Variants in CDH12 observed in about 807,000 individuals in gnomAD.
CDH12 encodes the protein cadherin 12.
A neutral mutation model predicts 74.1 loss-of-function variants in CDH12; 41 were observed. The ratio of observed to expected loss-of-function variants is 0.55; its 90% CI spans 0.43 to 0.72. The LOEUF (loss-of-function observed/expected upper bound fraction) is 0.72, where lower values mean the gene tolerates loss of function less well. Ranked by LOEUF, CDH12 falls within the 30% of genes least tolerant of loss-of-function variation. CDH12 has a pLI of 0.00. For missense variants in CDH12, 945 were observed against 977.2 expected (o/e 0.97, Z 0.44); for synonymous variants, 399 against 355.0 (o/e 1.12, Z -1.39).
chr5:22,845,941 C>G (rs1737281093), intron 1 of CDH12, among the ~76,000 whole-genome samples: 2 of 152,010 alleles, frequency 1.3e-5, no homozygotes, highest in African/African-American at 4.8e-5. Context: ...AGATGTGAGA[C>G]AATAGTGTCT....
At chr5:22,334,508 T>C (rs920697058) in intron 3 of CDH12, among the ~76,000 whole-genome samples, 7 of 152,058 alleles carry the variant, frequency 4.6e-5, no homozygotes, top group African/African-American at 1.4e-4. Flanking sequence ...AAAACAATCC[T>C]AAAACTTATA....
intron 6 of CDH12, among the ~76,000 whole-genome samples, chr5:21,906,472 C>T (rs547598641): frequency 4.6e-5 from 7 of 152,170 alleles, no homozygotes; most frequent in Non-Finnish European, 1.0e-4. Flanking sequence ...CCACATTACT[C>T]TTAAGGGAAG....
intron 1 of CDH12, among the ~76,000 whole-genome samples, chr5:22,657,817 G>T (rs10053320): frequency 0.14 from 21,954 of 152,112 alleles, 1,738 homozygotes; most frequent in Admixed American, 0.25. Flanking sequence ...GTAAAAGAAA[G>T]TAAGAAGCTT....
chr5:22,360,483 C>A (rs545233994), intron 3 of CDH12, among the ~76,000 whole-genome samples: 1 of 152,242 alleles, frequency 6.6e-6, no homozygotes, highest in East Asian at 1.9e-4. Context: ...GATTCACAGC[C>A]AAATTCTACC....
At chr5:22,365,227 G>T (rs1740978884) in intron 3 of CDH12, among the ~76,000 whole-genome samples, 1 of 151,992 alleles carries the variant, frequency 6.6e-6, no homozygotes, top group South Asian at 2.1e-4. Flanking sequence ...GCTTATTAAT[G>T]GCTGATAACT....
chr5:22,446,255 A>G (rs893636510), intron 2 of CDH12, among the ~76,000 whole-genome samples: 3 of 152,094 alleles, frequency 2.0e-5, no homozygotes, highest in African/African-American at 4.8e-5. Context: ...GGTCATCTGC[A>G]GCACTTTCAA....
At chr5:22,550,033 T>C (rs4144678) in intron 1 of CDH12, among the ~76,000 whole-genome samples, 24,601 of 152,168 alleles carry the variant, frequency 0.16, 2,560 homozygotes, top group East Asian at 0.37. Flanking sequence ...TGTCTCAGTC[T>C]TCCTTTCATT....
At chr5:21,768,462 T>C (rs1360789311) in intron 11 of CDH12, among the ~76,000 whole-genome samples, 1 of 151,928 alleles carries the variant, frequency 6.6e-6, no homozygotes, top group Non-Finnish European at 1.5e-5. Context: ...AAATCTGAAA[T>C]GAATTAACTA....
At chr5:22,071,075 C>T (rs1269722711) in intron 5 of CDH12, among the ~76,000 whole-genome samples, 1 of 151,988 alleles carries the variant, frequency 6.6e-6, no homozygotes, top group Non-Finnish European at 1.5e-5. Flanking sequence ...CACCATGGCA[C>T]ATGTTTACCT....
At chr5:22,378,363 GT>G (rs1218439693) in intron 3 of CDH12, among the ~76,000 whole-genome samples, 2 of 151,908 alleles carry the variant, frequency 1.3e-5, no homozygotes, top group South Asian at 4.1e-4. Flanking sequence ...TATTTATGCA[GT>G]TTTTTTTGGT....
chr5:22,126,087 G>A (rs1380729555), intron 4 of CDH12, among the ~76,000 whole-genome samples: 3 of 150,536 alleles, frequency 2.0e-5, no homozygotes, highest in Non-Finnish European at 4.4e-5. Context: ...ACATACCAAT[G>A]CTTTTAATAA....
At chr5:22,796,096 T>C (rs548614217) in intron 1 of CDH12, among the ~76,000 whole-genome samples, 1 of 152,314 alleles carries the variant, frequency 6.6e-6, no homozygotes, top group Non-Finnish European at 1.5e-5. Flanking sequence ...ATTCACTTAT[T>C]GATGGACAAA....
chr5:22,040,853 A>G (rs1425424326), intron 5 of CDH12, among the ~76,000 whole-genome samples: 1 of 152,138 alleles, frequency 6.6e-6, no homozygotes, highest in Non-Finnish European at 1.5e-5. Flanking sequence ...ACAAAAACAT[A>G]TAATGTATAA....
At chr5:22,123,172 A>G (rs1745625113) in intron 4 of CDH12, among the ~76,000 whole-genome samples, 1 of 152,164 alleles carries the variant, frequency 6.6e-6, no homozygotes, top group Admixed American at 6.5e-5. Flanking sequence ...AATGAATAGG[A>G]TAAATGCCCT....
chr5:22,204,867 A>AT (rs1258378147), intron 4 of CDH12, among the ~76,000 whole-genome samples: 2 of 152,066 alleles, frequency 1.3e-5, no homozygotes, highest in Non-Finnish European at 2.9e-5. Flanking sequence ...GTCAGGAGCT[A>AT]TTTTTTGTGC....
At chr5:22,677,056 A>G (rs1741230917) in intron 1 of CDH12, among the ~76,000 whole-genome samples, 2 of 152,148 alleles carry the variant, frequency 1.3e-5, no homozygotes, top group Non-Finnish European at 2.9e-5. Context: ...AATTCTGACA[A>G]AAAAAGTGCA....
intron 4 of CDH12, among the ~76,000 whole-genome samples, chr5:22,122,789 T>G (rs1191811537): frequency 6.6e-6 from 1 of 152,218 alleles, no homozygotes; most frequent in Non-Finnish European, 1.5e-5. Flanking sequence ...GAAAGAAGAC[T>G]CTCTCTGCCT....
intron 5 of CDH12, among the ~76,000 whole-genome samples, chr5:22,075,100 C>T (rs1361758326): frequency 6.6e-6 from 1 of 151,916 alleles, no homozygotes; most frequent in Non-Finnish European, 1.5e-5. Context: ...GAAAATGTGG[C>T]ACATATACAC....
chr5:21,838,976 T>C (rs960445687), intron 8 of CDH12, among the ~76,000 whole-genome samples: 2 of 152,290 alleles, frequency 1.3e-5, no homozygotes, highest in Non-Finnish European at 2.9e-5. Context: ...ATATTGACAT[T>C]ACCTAATAAT....
Sources: allele counts gnomAD v4.1 joint callset (sites outside exome capture counted in the v4.1 genomes callset), GRCh38; gene constraint gnomAD v4.1.1; transcripts MANE v1.5; gene names NCBI Gene and HGNC (gene_info 2026-07-23, HGNC 2026-07-21).